Variants in F2RL1 observed in about 807,000 individuals in gnomAD.
The protein encoded by F2RL1 is F2R like trypsin receptor 1.
F2RL1 carries 16 observed loss-of-function variants against 21.7 expected under a neutral mutation model. The ratio of observed to expected loss-of-function variants is 0.74; its 90% confidence interval spans 0.50 to 1.12. The LOEUF (loss-of-function observed/expected upper bound fraction) is 1.12. F2RL1 is among the 50% of genes most tolerant of loss of function. The pLI, the probability that F2RL1 is intolerant of heterozygous loss-of-function variation, is 0.00. For synonymous variants in F2RL1, 181 were observed against 186.7 expected, an observed-to-expected ratio of 0.97 and a Z score of 0.25; for missense variants, 432 against 477.8, an observed-to-expected ratio of 0.90 and a Z score of 0.89.
At chr5:76,821,336 C>T (rs1035138865) in intron 1 of F2RL1, among the ~76,000 whole-genome samples, 1 of 152,146 alleles carries the variant, frequency 6.6e-6, no homozygotes, top group Non-Finnish European at 1.5e-5. Context: ...CCATCCTTTC[C>T]ATCACGTCTA....
chr5:76,821,048 TCTG>T (rs969460085), intron 1 of F2RL1, among the ~76,000 whole-genome samples: 7 of 152,208 alleles, frequency 4.6e-5, no homozygotes, highest in African/African-American at 1.7e-4. Flanking sequence ...AGCCGGTCCT[TCTG>T]CGTGCCCCTC....
chr5:76,833,781 A>G lies in F2RL1; in HGVS notation c.1174A>G (p.Thr392Ala). 1 of 1,613,682 alleles carries G rather than the reference A, an allele frequency of 6.2e-7. No individual in the cohort carries two copies. ...CAGCTCTTACTCTTCAAGTTCAACC[A>G]CTGTTAAGACCTCCTATTGAGTTTT... ...KSSSYSSSST[T>A]VKTSY is the part of the protein sequence containing the mutation. Residue 392 changes from threonine to alanine, a missense_variant, in exon 2 of 2, where the codon ACT becomes GCT. Coordinates refer to ENST00000296677, the MANE Select transcript of F2RL1 (RefSeq NM_005242.6).
At chr5:76,825,859 C>A (rs189432856) in intron 1 of F2RL1, among the ~76,000 whole-genome samples, 2 of 151,882 alleles carry the variant, frequency 1.3e-5, no homozygotes, top group East Asian at 1.9e-4. Context: ...AGAAAAAGTT[C>A]CTTTTTAAAA....
chr5:76,819,079 G>A lies in F2RL1; in HGVS notation c.-104G>A. 2 of 919,552 alleles carry A rather than the reference G, an allele frequency of 2.2e-6. No individual in the cohort carries two copies. Among genetic ancestry groups the A allele is most frequent in the East Asian group, 2.7e-5 (1 of 36,910 alleles). 57.0% of individuals were successfully genotyped at this position (919,552 alleles called of 1,614,324 possible). The stretch of plus-strand genomic sequence containing the variant: ...CGCGCAGCAGAGGCTCCGATTCGGG[G>A]CAGGTGAGAGGCTGACTTTCTCTCG... On this transcript the variant is annotated 5_prime_UTR_variant, in exon 1 of 2. Coordinates refer to ENST00000296677, the MANE Select transcript of F2RL1 (RefSeq NM_005242.6).
chr5:76,825,558 CT>C (rs1049879359), intron 1 of F2RL1, among the ~76,000 whole-genome samples: 3 of 152,118 alleles, frequency 2.0e-5, no homozygotes, highest in African/African-American at 7.2e-5. Context: ...TAGCCAGGCA[CT>C]TTATTTGTGT....
intron 1 of F2RL1, among the ~76,000 whole-genome samples, chr5:76,827,628 G>A (rs573239070): frequency 5.1e-5 from 6 of 117,830 alleles, no homozygotes; most frequent in East Asian, 2.2e-4. Flanking sequence ...TTTTTGAGAC[G>A]GAGTCATGCT....
rs538570582 is a variant in F2RL1, at chr5:76,822,220, T to C, written c.82+2956T>C. The stretch of plus-strand genomic sequence containing the variant: ...TGTTGATAGACATGTGGTATTTCCA[T>C]TTTTTTTTTCCCCCTGAGATAGAAT... On this transcript the variant is annotated intron_variant, in intron 1 of 1. Coordinates refer to ENST00000296677, the MANE Select transcript of F2RL1 (RefSeq NM_005242.6). 2.7e-5 allele frequency among the ~76,000 whole-genome samples: 4 copies of C among 150,206 alleles called. No individual in the cohort carries two copies. The East Asian group carries it at 7.8e-4, about 29-fold the overall frequency.
intron 1 of F2RL1, among the ~76,000 whole-genome samples, chr5:76,821,943 C>T (rs2243010): frequency 0.18 from 27,617 of 151,686 alleles, 3,109 homozygotes; most frequent in South Asian, 0.28. Flanking sequence ...TGAGCCAAAA[C>T]AAAAAAAGGA....
chr5:76,833,169 G>A lies in F2RL1; in HGVS notation c.562G>A (p.Ala188Thr), dbSNP rs570644515. ...VNPMGHSRKK[A>T]NIAIGISLAI... ...CCCCATGGGGCACTCCAGGAAGAAGGCAAACATTGCCATTGGCATCTCCCT... is the reference window on the plus strand; with the variant it reads ...CCCCATGGGGCACTCCAGGAAGAAGACAAACATTGCCATTGGCATCTCCCT... Residue 188 changes from alanine (A) to threonine (T), a missense_variant, in exon 2 of 2, where the codon GCA becomes ACA. Coordinates refer to ENST00000296677, the MANE Select transcript of F2RL1 (RefSeq NM_005242.6). 6.6e-5 allele frequency: 107 copies of A among 1,614,144 alleles called. No homozygotes were observed. In the Middle Eastern group the frequency reaches 1.2e-3, roughly 17 times the overall value.
intron 1 of F2RL1, among the ~76,000 whole-genome samples, chr5:76,826,429 A>G (rs934517330): frequency 1.3e-5 from 2 of 152,206 alleles, no homozygotes; most frequent in African/African-American, 4.8e-5. Context: ...CATTTGATAG[A>G]AATGGGATAA....
At chr5:76,832,550 A>G (rs1366037648) in intron 1 of F2RL1, 140 bp from the exon 2 acceptor site, 1 of 860,962 alleles carries the variant, frequency 1.2e-6, no homozygotes, top group South Asian at 1.8e-5. Context: ...TCGCTCCACT[A>G]CGCTCCAGCC....
intron 1 of F2RL1, among the ~76,000 whole-genome samples, chr5:76,828,727 C>T (rs1580934178): frequency 6.6e-6 from 1 of 151,790 alleles, no homozygotes; most frequent in African/African-American, 2.4e-5. Flanking sequence ...CTCTTGGCCT[C>T]GAGCAATCCT....
rs752294684 is a variant in F2RL1 at position 76,835,283 on chromosome 5, A to C, written c.*1482A>C. On this transcript the variant is annotated 3_prime_UTR_variant, in exon 2 of 2. Coordinates refer to ENST00000296677, the MANE Select transcript of F2RL1 (RefSeq NM_005242.6). ...AAATAATTATTTTATTGTGTAATTG[A>C]TTTATAAATAACAAAATTTTTTTTA... The C allele has an allele frequency of 1.3e-5, 2 of 152,240 alleles. No homozygotes were observed. The highest frequency in any genetic ancestry group is 2.9e-5 in the Non-Finnish European group (2 of 68,038). 9.4% of individuals were successfully genotyped at this position (152,240 alleles called of 1,614,324 possible).
At chr5:76,822,401 A>G (rs550802791) in intron 1 of F2RL1, among the ~76,000 whole-genome samples, 3 of 152,246 alleles carry the variant, frequency 2.0e-5, no homozygotes, top group South Asian at 2.1e-4. Context: ...TGTTTTTGGT[A>G]TAAACGGGGT....
At chr5:76,830,917 A>C (rs556629912) in intron 1 of F2RL1, among the ~76,000 whole-genome samples, 71 of 152,302 alleles carry the variant, frequency 4.7e-4, no homozygotes, top group African/African-American at 1.6e-3. Context: ...ACATTATGAG[A>C]TAAGAGCATG....
Position 76,830,435 on chromosome 5 carries a change from G to A in F2RL1, c.83-2255G>A, listed in dbSNP as rs570412717. Reference sequence around the variant, plus strand: ...TAGAACTACAGGCGCCTGCCACCACGCCCGGCTAATTTTTGTATTTTTAGT... The same window carrying A: ...TAGAACTACAGGCGCCTGCCACCACACCCGGCTAATTTTTGTATTTTTAGT... On this transcript the variant is annotated intron_variant, in intron 1 of 1. Coordinates refer to ENST00000296677, the MANE Select transcript of F2RL1 (RefSeq NM_005242.6). 5.9e-5 allele frequency among the ~76,000 whole-genome samples: 9 copies of A among 152,176 alleles called. No homozygotes were observed. The South Asian group carries it at 8.3e-4, about 14-fold the overall frequency.
chr5:76,824,159 A>ACCCCCC (rs5868841), intron 1 of F2RL1, among the ~76,000 whole-genome samples: 2 of 86,826 alleles, frequency 2.3e-5, no homozygotes, highest in African/African-American at 1.0e-4. Context: ...TCCCCACCAC[A>ACCCCCC]CCCCCCCCCC....
At chr5:76,827,507 C>A (rs1489272736) in intron 1 of F2RL1, among the ~76,000 whole-genome samples, 1 of 148,856 alleles carries the variant, frequency 6.7e-6, no homozygotes, top group Non-Finnish European at 1.5e-5. Context: ...AAAAAAAAAA[C>A]AAAAACAAAT....
intron 1 of F2RL1, among the ~76,000 whole-genome samples, chr5:76,823,053 A>C (rs2243018): frequency 0.1 from 15,454 of 152,104 alleles, 1,027 homozygotes; most frequent in Non-Finnish European, 0.15. Flanking sequence ...ACATGGTGAA[A>C]CCCTGTCTCT....
Sources: allele counts gnomAD v4.1 joint callset (sites outside exome capture counted in the v4.1 genomes callset), GRCh38; gene constraint gnomAD v4.1.1; transcripts MANE v1.5; gene names NCBI Gene and HGNC (gene_info 2026-07-23, HGNC 2026-07-21).